Variants in PRKCA observed in about 807,000 individuals in gnomAD.
PRKCA encodes protein kinase C alpha, also known as protein kinase C alpha type.
Under a neutral mutation model 87.0 loss-of-function variants are expected in PRKCA, and 27 were observed. That is an observed-to-expected ratio of 0.31 (90% CI 0.23 to 0.43). The LOEUF is 0.43. Ranked by LOEUF, PRKCA falls within the 20% of genes least tolerant of loss-of-function variation. The probability of loss-of-function intolerance (pLI) is 1.00; values close to 1 mark genes in which losing one functional copy is unlikely to be tolerated. For synonymous variants in PRKCA, 329 were observed against 311.1 expected, an observed-to-expected ratio of 1.06 and a Z score of -0.61; for missense variants, 518 against 852.3, an observed-to-expected ratio of 0.61 and a Z score of 4.88.
intron 2 of PRKCA, among the ~76,000 whole-genome samples, chr17:66,411,275 A>G (rs1041905788): frequency 1.4e-5 from 2 of 138,664 alleles, no homozygotes; most frequent in Non-Finnish European, 3.1e-5. Flanking sequence ...GATTCTTTCT[A>G]TGTTATCCAG....
intron 13 of PRKCA, among the ~76,000 whole-genome samples, chr17:66,757,419 G>A (rs1459006010): frequency 1.3e-5 from 2 of 152,114 alleles, no homozygotes; most frequent in South Asian, 2.1e-4. Flanking sequence ...ACACAAAGTA[G>A]GACAAATGCT....
intron 8 of PRKCA, among the ~76,000 whole-genome samples, chr17:66,713,477 G>A (rs1412222225): frequency 1.3e-5 from 2 of 152,156 alleles, no homozygotes; most frequent in South Asian, 2.1e-4. Flanking sequence ...CAGCAGTGAA[G>A]CAAGGCCATC....
intron 2 of PRKCA, among the ~76,000 whole-genome samples, chr17:66,325,810 C>G (rs1905946570): frequency 6.6e-6 from 1 of 152,146 alleles, no homozygotes; most frequent in Admixed American, 6.6e-5. Context: ...CTTTTGCATG[C>G]ACAACTCCTA....
chr17:66,340,745 T>C lies in PRKCA; in HGVS notation c.205+34618T>C, dbSNP rs77792142. Among the ~76,000 whole-genome samples the C allele has an allele frequency of 6.8e-4, 104 of 152,294 alleles. 1 individual carries two copies. In the South Asian group the frequency reaches 9.3e-3, roughly 14 times the overall value. Reference sequence around the variant, plus strand: ...TGGATTTGGATACTTGAGAAATCCTTTATTTAGAAGTCATTCATATTCATC... The same window carrying C: ...TGGATTTGGATACTTGAGAAATCCTCTATTTAGAAGTCATTCATATTCATC... On this transcript the variant is annotated intron_variant, in intron 2 of 16. Coordinates refer to ENST00000413366, the MANE Select transcript of PRKCA (RefSeq NM_002737.3).
intron 8 of PRKCA, among the ~76,000 whole-genome samples, chr17:66,702,994 T>C (rs1290724592): frequency 6.6e-6 from 1 of 152,174 alleles, no homozygotes; most frequent in Non-Finnish European, 1.5e-5. Flanking sequence ...GCACTTACCC[T>C]GAATGGAGGT....
In PRKCA at chr17:66,585,589, C is replaced by G. The variant is rs1969568352; in HGVS notation, c.289-55766C>G. The stretch of plus-strand genomic sequence containing the variant: ...CTCCTTAAGCCACTGTAGCTGACCT[C>G]ACAGATGTCTCAGCTGACCACCAGG... On this transcript the variant is annotated intron_variant, in intron 3 of 16. Transcript: ENST00000413366. Among the ~76,000 whole-genome samples, 3 of 152,222 alleles carry G rather than the reference C, an allele frequency of 2.0e-5. No individual in the cohort carries two copies. In the South Asian group the frequency reaches 6.2e-4, roughly 32 times the overall value.
At chr17:66,303,650 A>G (rs1904642070) in intron 1 of PRKCA, among the ~76,000 whole-genome samples, 1 of 152,036 alleles carries the variant, frequency 6.6e-6, no homozygotes, top group South Asian at 2.1e-4. Flanking sequence ...GAAAGCTTGC[A>G]GTGGGGGAGG....
intron 2 of PRKCA, among the ~76,000 whole-genome samples, chr17:66,338,126 C>T (rs1022085402): frequency 1.4e-5 from 2 of 148,004 alleles, no homozygotes; most frequent in African/African-American, 5.2e-5. Flanking sequence ...TTTTGAAAAT[C>T]TCTTGGGTAG....
intron 2 of PRKCA, among the ~76,000 whole-genome samples, chr17:66,484,088 G>A (rs1444675547): frequency 6.6e-6 from 1 of 152,274 alleles, no homozygotes; most frequent in African/African-American, 2.4e-5. Context: ...CATGGTGTCA[G>A]GCAAGAAAGA....
intron 5 of PRKCA, among the ~76,000 whole-genome samples, chr17:66,652,975 G>C (rs964474756): frequency 6.6e-6 from 1 of 152,224 alleles, no homozygotes; most frequent in Admixed American, 6.5e-5. Context: ...CTGAGGCTGG[G>C]CCCAGAAGCC....
chr17:66,562,557 G>C (rs1192745048), intron 3 of PRKCA, among the ~76,000 whole-genome samples: 1 of 151,674 alleles, frequency 6.6e-6, no homozygotes, highest in Non-Finnish European at 1.5e-5. Flanking sequence ...TGATATTCCA[G>C]TGTATGTGAA....
At chr17:66,315,589 C>T (rs1298176819) in intron 2 of PRKCA, among the ~76,000 whole-genome samples, 1 of 151,774 alleles carries the variant, frequency 6.6e-6, no homozygotes, top group Non-Finnish European at 1.5e-5. Context: ...AAGCAATTCT[C>T]CTGTCTCAGC....
chr17:66,779,872 G>A (rs1365946061), intron 14 of PRKCA, among the ~76,000 whole-genome samples: 2 of 152,194 alleles, frequency 1.3e-5, no homozygotes, highest in South Asian at 4.1e-4. Flanking sequence ...GGGGGAAAGA[G>A]GCGAGAGAAG....
At chr17:66,681,504 C>T (rs766552095) in intron 5 of PRKCA, among the ~76,000 whole-genome samples, 3 of 152,116 alleles carry the variant, frequency 2.0e-5, no homozygotes, top group Non-Finnish European at 2.9e-5. Context: ...TTCTTTAACA[C>T]TACCATTAGT....
chr17:66,406,045 T>G (rs944839646), intron 2 of PRKCA, among the ~76,000 whole-genome samples: 1 of 152,220 alleles, frequency 6.6e-6, no homozygotes, highest in Non-Finnish European at 1.5e-5. Context: ...TGCCCTAGTT[T>G]GCTCTGTCAT....
chr17:66,593,153 G>A (rs556793272), intron 3 of PRKCA, among the ~76,000 whole-genome samples: 21 of 152,184 alleles, frequency 1.4e-4, no homozygotes, highest in East Asian at 3.8e-4. Context: ...TTGAGGTTGC[G>A]TCAGGGTGAA....
chr17:66,806,370 C>T lies in PRKCA; in HGVS notation c.*2333C>T, dbSNP rs1481344737. On this transcript the variant is annotated 3_prime_UTR_variant, in exon 17 of 17. Coordinates refer to ENST00000413366, the MANE Select transcript of PRKCA (RefSeq NM_002737.3). ...GGCCAGAAAAGAACCATTTCTTCTG[C>T]CATCTTTTATGCACCATAGACATCG... The T allele has an allele frequency of 6.6e-6, 1 of 152,192 alleles. No individual in the cohort carries two copies. The highest frequency in any genetic ancestry group is 1.5e-5 in the Non-Finnish European group (1 of 68,084). The allele number at this position is 152,192 out of a possible 1,614,324, so 9.4% of individuals were successfully genotyped here.
At chr17:66,675,643 A>G (rs1972308506) in intron 5 of PRKCA, among the ~76,000 whole-genome samples, 1 of 152,190 alleles carries the variant, frequency 6.6e-6, no homozygotes, top group Non-Finnish European at 1.5e-5. Context: ...AGAATGGAGA[A>G]TGCCCAGCCC....
chr17:66,334,869 T>C (rs1013476206), intron 2 of PRKCA, among the ~76,000 whole-genome samples: 1 of 152,148 alleles, frequency 6.6e-6, no homozygotes, highest in African/African-American at 2.4e-5. Context: ...TGTCAGTGGA[T>C]GAATGGATAA....
Sources: allele counts gnomAD v4.1 joint callset (sites outside exome capture counted in the v4.1 genomes callset), GRCh38; gene constraint gnomAD v4.1.1; transcripts MANE v1.5; gene names NCBI Gene and HGNC (gene_info 2026-07-23, HGNC 2026-07-21).